CENPQ: variants seen among roughly 807,000 people sequenced by gnomAD.
The protein encoded by CENPQ is chromosome 6 open reading frame 139.
A neutral mutation model predicts 36.6 loss-of-function variants in CENPQ; 27 were observed. That is an observed-to-expected ratio of 0.74 (90% CI 0.54 to 1.02). The LOEUF (loss-of-function observed/expected upper bound fraction) is 1.02, where lower values mean the gene tolerates loss of function less well. Among genes scored for constraint, CENPQ ranks in the 50% least tolerant of loss-of-function variants. The pLI is 0.00. For synonymous variants in CENPQ, 101 were observed against 101.7 expected (o/e 0.99, Z 0.04); for missense variants, 306 against 301.8 (o/e 1.01, Z -0.10).
At chr6:49,465,564 C>G (rs1185486717) in intron 1 of CENPQ, among the ~76,000 whole-genome samples, 1 of 152,182 alleles carries the variant, frequency 6.6e-6, no homozygotes, top group Non-Finnish European at 1.5e-5. Context: ...ATTATCTTAC[C>G]TAGAACTGGA....
At chr6:49,485,927 G>A (rs1448217830) in intron 6 of CENPQ, among the ~76,000 whole-genome samples, 1 of 152,204 alleles carries the variant, frequency 6.6e-6, no homozygotes, top group East Asian at 1.9e-4. Context: ...TAACCCTTTT[G>A]TTCATTCAAT....
intron 1 of CENPQ, among the ~76,000 whole-genome samples, chr6:49,465,746 T>C (rs1046060323): frequency 6.6e-6 from 1 of 152,232 alleles, no homozygotes; most frequent in African/African-American, 2.4e-5. Context: ...AGTTAAGACC[T>C]TGCCATGAAT....
intron 1 of CENPQ, among the ~76,000 whole-genome samples, chr6:49,468,459 T>TG (rs886874114): frequency 1.2e-4 from 18 of 151,734 alleles, no homozygotes; most frequent in East Asian, 5.8e-4. Flanking sequence ...CTGGGCGTGG[T>TG]GGGGGGTGCC....
chr6:49,465,231 G>T (rs1767973425), intron 1 of CENPQ, among the ~76,000 whole-genome samples: 1 of 152,150 alleles, frequency 6.6e-6, no homozygotes, highest in South Asian at 2.1e-4. Context: ...GTGAGCTGTA[G>T]GTCTCAAAGA....
intron 6 of CENPQ, among the ~76,000 whole-genome samples, chr6:49,483,051 CTT>C (rs1247874146): frequency 2.6e-5 from 4 of 152,158 alleles, no homozygotes; most frequent in African/African-American, 9.7e-5. Flanking sequence ...CTTTTAGTCT[CTT>C]GTCTGGCCCC....
intron 5 of CENPQ, among the ~76,000 whole-genome samples, chr6:49,474,918 T>C (rs1768242795): frequency 6.6e-6 from 1 of 151,988 alleles, no homozygotes; most frequent in Middle Eastern, 3.2e-3. Context: ...AAGAAATGGA[T>C]AAATTCCTGG....
chr6:49,465,230 A>T (rs1767973354), intron 1 of CENPQ, among the ~76,000 whole-genome samples: 1 of 152,232 alleles, frequency 6.6e-6, no homozygotes, highest in Non-Finnish European at 1.5e-5. Flanking sequence ...TGTGAGCTGT[A>T]GGTCTCAAAG....
chr6:49,491,872 G>A (rs564263542), intron 8 of CENPQ, among the ~76,000 whole-genome samples: 5 of 152,228 alleles, frequency 3.3e-5, no homozygotes, highest in Middle Eastern at 3.4e-3. Flanking sequence ...CCAGGACTGC[G>A]CCATTGTACT....
At chr6:49,478,034 GC>G (rs1395577342) in intron 5 of CENPQ, among the ~76,000 whole-genome samples, 15 of 152,268 alleles carry the variant, frequency 9.9e-5, no homozygotes, top group South Asian at 2.1e-4. Flanking sequence ...TCATGTAACA[GC>G]TATGGAGTAC....
At chr6:49,476,955 C>G (rs967006842) in intron 5 of CENPQ, among the ~76,000 whole-genome samples, 4 of 152,222 alleles carry the variant, frequency 2.6e-5, no homozygotes, top group Non-Finnish European at 5.9e-5. Context: ...AATAGGAACA[C>G]TTTTACACTG....
At chr6:49,486,745 A>G (rs545557326) in intron 6 of CENPQ, among the ~76,000 whole-genome samples, 17 of 152,294 alleles carry the variant, frequency 1.1e-4, no homozygotes, top group Admixed American at 6.5e-4. Flanking sequence ...GTATCTTTAA[A>G]TCCTTTAGAG....
chr6:49,488,285 ATATC>A, intron 6 of CENPQ, 63 bp from the exon 7 acceptor site: 1 of 1,239,582 alleles, frequency 8.1e-7, no homozygotes, highest in Non-Finnish European at 1.1e-6. Flanking sequence ...ATGTATAACA[ATATC>A]TATTAGGATT....
chr6:49,476,638 C>T (rs1768299120), intron 5 of CENPQ, among the ~76,000 whole-genome samples: 2 of 152,140 alleles, frequency 1.3e-5, no homozygotes, highest in South Asian at 4.1e-4. Flanking sequence ...GAACAGGCAT[C>T]CTACAGAATG....
At chr6:49,473,344 G>T (rs1218763052) in intron 5 of CENPQ, among the ~76,000 whole-genome samples, 1 of 152,078 alleles carries the variant, frequency 6.6e-6, no homozygotes, top group Non-Finnish European at 1.5e-5. Context: ...GTTCTTAAAA[G>T]GCACACCACT....
intron 5 of CENPQ, among the ~76,000 whole-genome samples, chr6:49,478,058 G>A (rs960500864): frequency 6.6e-6 from 1 of 152,080 alleles, no homozygotes; most frequent in African/African-American, 2.4e-5. Context: ...ACATTTCAAG[G>A]CCTGACTATT....
At chr6:49,464,658 C>T (rs1442301461) in intron 1 of CENPQ, among the ~76,000 whole-genome samples, 1 of 152,236 alleles carries the variant, frequency 6.6e-6, no homozygotes, top group Non-Finnish European at 1.5e-5. Context: ...ATATTCACAG[C>T]ATCTTCACCA....
At chr6:49,477,195 A>G (rs1768314476) in intron 5 of CENPQ, among the ~76,000 whole-genome samples, 1 of 152,160 alleles carries the variant, frequency 6.6e-6, no homozygotes, top group South Asian at 2.1e-4. Flanking sequence ...GATAGACTGG[A>G]TTAAGAAAAT....
chr6:49,478,796 G>A (rs2251115), intron 5 of CENPQ, among the ~76,000 whole-genome samples: 62,507 of 151,884 alleles, frequency 0.41, 13,212 homozygotes, highest in Admixed American at 0.57. Flanking sequence ...AAAACTATTC[G>A]CCATTACAAT....
At chr6:49,472,302 A>C in intron 4 of CENPQ, 119 bp downstream of exon 4, 1 of 820,882 alleles carries the variant, frequency 1.2e-6, no homozygotes, top group Non-Finnish European at 1.7e-6. Context: ...TCTATTTCGG[A>C]AGCAGATAAA....
Sources: allele counts gnomAD v4.1 joint callset (sites outside exome capture counted in the v4.1 genomes callset), GRCh38; gene constraint gnomAD v4.1.1; transcripts MANE v1.5; gene names NCBI Gene and HGNC (gene_info 2026-07-23, HGNC 2026-07-21).